Variants in JMJD1C observed in about 807,000 individuals in gnomAD.
JMJD1C encodes jumonji domain containing 1C.
JMJD1C carries 31 observed loss-of-function variants against 245.3 expected under a neutral mutation model. The observed-to-expected ratio is 0.13, with a 90% CI of 0.09 to 0.17. JMJD1C has a LOEUF of 0.17. JMJD1C is among the 10% of genes least tolerant of loss of function. The pLI is 1.00. For missense variants in JMJD1C, 2,691 were observed against 3,000.2 expected (o/e 0.90, Z 2.41); for synonymous variants, 1,057 against 1,017.4 (o/e 1.04, Z -0.74).
chr10:63,407,157 A>G (rs776188586), intron 1 of JMJD1C, among the ~76,000 whole-genome samples: 2 of 152,210 alleles, frequency 1.3e-5, no homozygotes, highest in Admixed American at 6.5e-5. Flanking sequence ...AGCAGCAGCT[A>G]GACTCTCAGA....
chr10:63,269,054 G>C, intron 2 of JMJD1C: 2 of 985,374 alleles, frequency 2.0e-6, no homozygotes, highest in Non-Finnish European at 2.4e-6. Context: ...TGCATCCTCC[G>C]ATCTGGGTCA....
chr10:63,473,036 G>C (rs915587599), intron 1 of JMJD1C, among the ~76,000 whole-genome samples: 7 of 152,098 alleles, frequency 4.6e-5, no homozygotes, highest in Non-Finnish European at 7.4e-5. Context: ...GCCCTCCTCG[G>C]CCTCCCAAAG....
chr10:63,197,298 C>T (rs1845563870), intron 13 of JMJD1C, 113 bp downstream of exon 13: 1 of 871,046 alleles, frequency 1.1e-6, no homozygotes, highest in Non-Finnish European at 1.7e-6. Flanking sequence ...AAAAAAAATA[C>T]TTAATACATT....
At chr10:63,330,716 T>G (rs1458338335) in intron 2 of JMJD1C, among the ~76,000 whole-genome samples, 1 of 152,174 alleles carries the variant, frequency 6.6e-6, no homozygotes, top group Non-Finnish European at 1.5e-5. Flanking sequence ...ATGTTAATGA[T>G]CCACCCCCTT....
chr10:63,329,561 T>G (rs1220632798), intron 2 of JMJD1C, among the ~76,000 whole-genome samples: 1 of 151,372 alleles, frequency 6.6e-6, no homozygotes, highest in Non-Finnish European at 1.5e-5. Flanking sequence ...AGAAAAAATC[T>G]TGTCAGCAAC....
chr10:63,177,507 C>G (rs1228731752), intron 23 of JMJD1C: 8 of 550,480 alleles, frequency 1.5e-5, no homozygotes, highest in Non-Finnish European at 2.5e-5. Context: ...CAACTGGGAA[C>G]AAATCACCAT....
At chr10:63,254,532 TAAA>T (rs1853577278) in intron 3 of JMJD1C, among the ~76,000 whole-genome samples, 1 of 152,182 alleles carries the variant, frequency 6.6e-6, no homozygotes, top group Non-Finnish European at 1.5e-5. Context: ...TCTTATACTC[TAAA>T]ATTTTGAGTT....
At position 63,191,158 on chromosome 10, in the gene JMJD1C, G is replaced by A. The variant is rs371783340; in HGVS notation, c.6077-50C>T. The A allele has an allele frequency of 3.4e-6, 5 of 1,454,350 alleles. No individual in the cohort carries two copies. In the African/African-American group the frequency reaches 4.2e-5, roughly 12 times the overall value. 90.1% of individuals were successfully genotyped at this position (1,454,350 alleles called of 1,614,324 possible). A position where few individuals can be genotyped will look rare whatever the true frequency, so the allele number is the denominator to read the frequency against. ...TTGTTTTGTTTTGTTTTGAGACGGA[G>A]TCTCATTCTGTCGCCCAGGCTGGAG... On this transcript the variant is annotated intron_variant, in intron 16 of 25. Transcript: ENST00000399262.
intron 1 of JMJD1C, among the ~76,000 whole-genome samples, chr10:63,474,104 TAATA>T (rs146201242): frequency 0.15 from 23,043 of 151,010 alleles, 2,288 homozygotes; most frequent in East Asian, 0.31. Context: ...AAAATAATAA[TAATA>T]AATAAATAAA....
At chr10:63,414,834 G>C (rs934061638) in intron 1 of JMJD1C, among the ~76,000 whole-genome samples, 3 of 151,546 alleles carry the variant, frequency 2.0e-5, no homozygotes, top group African/African-American at 7.3e-5. Context: ...TTGAACCCAG[G>C]AGGCAGAGGC....
At chr10:63,222,616 T>G in intron 3 of JMJD1C, 1 of 1,592,750 alleles carries the variant, frequency 6.3e-7, no homozygotes, top group Non-Finnish European at 8.6e-7. Context: ...GAAACTCACA[T>G]GCTGAATTTT....
chr10:63,277,885 C>T (rs905120512), intron 2 of JMJD1C, among the ~76,000 whole-genome samples: 8 of 151,136 alleles, frequency 5.3e-5, no homozygotes, highest in Middle Eastern at 3.2e-3. Flanking sequence ...TACAGGTGTG[C>T]GCCACCACGC....
At chr10:63,337,460 G>GC (rs1942861785) in intron 2 of JMJD1C, among the ~76,000 whole-genome samples, 1 of 76,750 alleles carries the variant, frequency 1.3e-5, no homozygotes, top group Non-Finnish European at 2.6e-5. Context: ...AGAAGGCGGG[G>GC]GGGGGGGAGG....
upstream of JMJD1C, among the ~76,000 whole-genome samples, chr10:63,467,974 A>T (rs1451597258): frequency 1.3e-5 from 2 of 152,224 alleles, no homozygotes; most frequent in Non-Finnish European, 2.9e-5. Context: ...TTACATTCTT[A>T]AGAGTATAGG....
chr10:63,389,444 CTTTTTTTTTTCCT>C (rs953717733), intron 1 of JMJD1C, among the ~76,000 whole-genome samples: 1 of 139,910 alleles, frequency 7.1e-6, no homozygotes, highest in East Asian at 2.1e-4. Context: ...TTTTGTTTTT[CTTTTTTTTTTCCT>C]TTTTTTTTTT....
At chr10:63,478,353 T>C (rs1486354363) in intron 1 of JMJD1C, among the ~76,000 whole-genome samples, 1 of 152,236 alleles carries the variant, frequency 6.6e-6, no homozygotes, top group Non-Finnish European at 1.5e-5. Context: ...AGCCGCTTTA[T>C]TTGTAATTGC....
intron 13 of JMJD1C, among the ~76,000 whole-genome samples, chr10:63,196,478 A>T (rs1189765189): frequency 2.0e-5 from 3 of 152,196 alleles, no homozygotes. Context: ...GTAGATGTTC[A>T]GCTATGCTTC....
At chr10:63,331,013 CTTCA>C (rs1942082400) in intron 2 of JMJD1C, among the ~76,000 whole-genome samples, 2 of 152,206 alleles carry the variant, frequency 1.3e-5, no homozygotes, top group African/African-American at 4.8e-5. Flanking sequence ...ACTTACTTGA[CTTCA>C]TTATCTTCAA....
intron 1 of JMJD1C, among the ~76,000 whole-genome samples, chr10:63,475,855 T>C (rs1438826140): frequency 6.6e-6 from 1 of 152,124 alleles, no homozygotes; most frequent in Non-Finnish European, 1.5e-5. Context: ...AGTAAAAACA[T>C]TGGTCAAAAC....
Sources: gnomAD v4.1 joint callset for allele counts (sites outside exome capture counted in the v4.1 genomes callset) on GRCh38, gnomAD v4.1.1 for gene constraint, MANE v1.5 for transcripts, NCBI Gene and HGNC (gene_info 2026-07-23, HGNC 2026-07-21) for gene names.